Variants in PLPBP observed in about 807,000 individuals in gnomAD.
The protein encoded by PLPBP is pyridoxal phosphate binding protein.
In PLPBP, 21 loss-of-function variants were observed where a neutral mutation model predicts 31.2. That is an observed-to-expected ratio of 0.67 (90% CI 0.48 to 0.97). The LOEUF (loss-of-function observed/expected upper bound fraction) is 0.97, where lower values mean the gene tolerates loss of function less well. Ranked by LOEUF, PLPBP falls within the 50% of genes least tolerant of loss-of-function variation. The probability of loss-of-function intolerance (pLI) is 0.00; values close to 1 mark genes in which losing one functional copy is unlikely to be tolerated. For missense variants in PLPBP, 308 were observed against 354.4 expected, an observed-to-expected ratio of 0.87 and a Z score of 1.05; for synonymous variants, 124 against 135.6, an observed-to-expected ratio of 0.91 and a Z score of 0.59.
chr8:37,779,626 T>A lies in PLPBP; in HGVS notation c.*1522T>A, dbSNP rs945195740. The A allele has an allele frequency of 1.3e-5, 2 of 152,702 alleles. No homozygotes were observed. The highest frequency in any genetic ancestry group is 2.9e-5 in the Non-Finnish European group (2 of 68,052). The allele number at this position is 152,702 out of a possible 1,614,324, so 9.5% of individuals were successfully genotyped here. A position where few individuals can be genotyped will look rare whatever the true frequency, so the allele number is the denominator to read the frequency against. ...CATCATGATGCTGCCAAATGTACTT[T>A]TGTAAACTTAAACATTATGATTCCT... On this transcript the variant is annotated 3_prime_UTR_variant, in exon 8 of 8. Transcript: ENST00000328195.
At chr8:37,764,323 GTTT>G (rs1390742604) in intron 1 of PLPBP, among the ~76,000 whole-genome samples, 1 of 146,370 alleles carries the variant, frequency 6.8e-6, no homozygotes, top group Non-Finnish European at 1.5e-5. Flanking sequence ...CCAGACTGTT[GTTT>G]TTTGTTTTAT....
chr8:37,763,996 A>G (rs1280559441), intron 1 of PLPBP, among the ~76,000 whole-genome samples: 1 of 150,322 alleles, frequency 6.7e-6, no homozygotes, highest in Non-Finnish European at 1.5e-5. Flanking sequence ...TCGTGAGAGG[A>G]TGTCACATAG....
chr8:37,775,801 G>T, intron 6 of PLPBP, 117 bp from the exon 7 acceptor site: 1 of 1,098,022 alleles, frequency 9.1e-7, no homozygotes, highest in Non-Finnish European at 1.3e-6. Flanking sequence ...TGGCAATTTT[G>T]GCAGGCCTTG....
rs536914665 is a variant in PLPBP, at chr8:37,767,012, A to C, written c.319+657A>C. 5.7e-5 allele frequency among the ~76,000 whole-genome samples: 8 copies of C among 141,486 alleles called. No individual in the cohort carries two copies. The South Asian group carries it at 1.8e-3, about 32-fold the overall frequency. 92.8% of individuals were successfully genotyped at this position (141,486 alleles called of 152,430 possible). ...CAGTGATCCAAGATCACGCCACTGC[A>C]CTCCAGACTAGGTAACAGAGCAAGA... On this transcript the variant is annotated intron_variant, in intron 4 of 7. Coordinates refer to ENST00000328195, the MANE Select transcript of PLPBP (RefSeq NM_007198.4).
At chr8:37,771,430 A>G (rs980503902) in intron 4 of PLPBP, among the ~76,000 whole-genome samples, 1 of 151,630 alleles carries the variant, frequency 6.6e-6, no homozygotes, top group Non-Finnish European at 1.5e-5. Context: ...GTGAGCCACA[A>G]TGCCTAGCCA....
intron 4 of PLPBP, among the ~76,000 whole-genome samples, chr8:37,769,730 G>A (rs1803723412): frequency 6.6e-6 from 1 of 152,128 alleles, no homozygotes; most frequent in South Asian, 2.1e-4. Flanking sequence ...TAAAACCGTA[G>A]AGTCTTGGAA....
intron 1 of PLPBP, among the ~76,000 whole-genome samples, chr8:37,764,890 G>T (rs538144864): frequency 1.3e-5 from 2 of 152,256 alleles, no homozygotes; most frequent in South Asian, 2.1e-4. Flanking sequence ...GAAATTCTCC[G>T]CTGGGCACAG....
At chr8:37,765,881 T>A in intron 3 of PLPBP, 135 bp downstream of exon 3, 1 of 923,410 alleles carries the variant, frequency 1.1e-6, no homozygotes, top group Non-Finnish European at 1.7e-6. Flanking sequence ...GATAGAAATG[T>A]CAGCTTCCTC....
intron 1 of PLPBP, among the ~76,000 whole-genome samples, chr8:37,765,320 C>T (rs560486836): frequency 6.6e-6 from 1 of 152,338 alleles, no homozygotes; most frequent in East Asian, 1.9e-4. Flanking sequence ...AACATTGATG[C>T]ATAGATTGAG....
intron 4 of PLPBP, among the ~76,000 whole-genome samples, chr8:37,768,463 T>TTG (rs1327149569): frequency 8.0e-5 from 12 of 150,270 alleles, no homozygotes; most frequent in African/African-American, 2.7e-4. Flanking sequence ...AGTTTTGATT[T>TTG]TCTTTTTTTT....
chr8:37,772,723 A>G, intron 4 of PLPBP, 32 bp from the exon 5 acceptor site: 1 of 1,611,302 alleles, frequency 6.2e-7, no homozygotes, highest in South Asian at 1.1e-5. Context: ...AGAGCAAATA[A>G]GGAATACTAC....
chr8:37,772,048 C>G (rs1327785307), intron 4 of PLPBP, among the ~76,000 whole-genome samples: 1 of 152,216 alleles, frequency 6.6e-6, no homozygotes, highest in African/African-American at 2.4e-5. Context: ...AACTGCCCAT[C>G]TGAAATACTT....
chr8:37,777,575 T>G (rs1018364332), intron 7 of PLPBP, among the ~76,000 whole-genome samples: 2 of 151,514 alleles, frequency 1.3e-5, no homozygotes, highest in African/African-American at 4.9e-5. Context: ...TGTTTTTGTT[T>G]TTTTTTGTTT....
Position 37,777,339 on chromosome 8 carries a change from G to A in PLPBP, c.697-634G>A, listed in dbSNP as rs185272932. 5.5e-3 allele frequency among the ~76,000 whole-genome samples: 842 copies of A among 152,248 alleles called. 7 individuals carry two copies. The highest frequency in any genetic ancestry group is 0.037 in the South Asian group (177 of 4,818). The stretch of plus-strand genomic sequence containing the variant: ...ATATTTTTTTCATCTACCTGACCGT[G>A]GCACATTGGAGAGGTAGGTGGGCTG... On this transcript the variant is annotated intron_variant, in intron 7 of 7. Coordinates refer to ENST00000328195, the MANE Select transcript of PLPBP (RefSeq NM_007198.4).
Position 37,778,021 on chromosome 8 carries a change from G to A in PLPBP, c.745G>A (p.Glu249Lys). The change falls in exon 8 of 8, where the codon GAG becomes AAG. Residue 249 changes from glutamate to lysine, a missense_variant. Around this residue, in one of 2 missense-constraint regions of PLPBP, gnomAD observed 188 missense variants for 259.3 expected, o/e 0.73. Coordinates refer to ENST00000328195, the MANE Select transcript of PLPBP (RefSeq NM_007198.4). ...CCGAATAGGAAGCACGATTTTTGGAGAGCGGGATTACTCAAAGAAACCCAC... is the reference window on the plus strand; with the variant it reads ...CCGAATAGGAAGCACGATTTTTGGAAAGCGGGATTACTCAAAGAAACCCAC... ...NVRIGSTIFG[E>K]RDYSKKPTPD... 1 of 1,613,780 alleles carries A rather than the reference G, an allele frequency of 6.2e-7. No homozygotes were observed. The highest frequency in any genetic ancestry group is 8.5e-7 in the Non-Finnish European group (1 of 1,179,734).
chr8:37,766,409 A>G, intron 4 of PLPBP, 54 bp downstream of exon 4: 2 of 1,528,686 alleles, frequency 1.3e-6, no homozygotes, highest in South Asian at 1.2e-5. Flanking sequence ...TATTGCTTCT[A>G]CTACCCTTTG....
intron 4 of PLPBP, among the ~76,000 whole-genome samples, chr8:37,770,791 G>C (rs1803751343): frequency 6.6e-6 from 1 of 151,238 alleles, no homozygotes; most frequent in African/African-American, 2.4e-5. Context: ...TGGCCAGGCT[G>C]GTCTCCAATT....
At chr8:37,765,427 T>G in intron 1 of PLPBP, 99 bp from the exon 2 acceptor site, 188 of 1,116,750 alleles carry the variant, frequency 1.7e-4, no homozygotes, top group Non-Finnish European at 2.3e-4. Flanking sequence ...AATGCCAAGT[T>G]GAGATCAATG....
In PLPBP at chr8:37,778,206, G is replaced by A. The variant is rs2129821015; in HGVS notation, c.*102G>A. Reference sequence around the variant, plus strand: ...CCTGCTCTCCTGTGACCTGTGGAGAGCACTAATGATCACGTGTGTTGATGG... The same window carrying A: ...CCTGCTCTCCTGTGACCTGTGGAGAACACTAATGATCACGTGTGTTGATGG... On this transcript the variant is annotated 3_prime_UTR_variant, in exon 8 of 8. Transcript: ENST00000328195. 1 of 1,409,012 alleles carries A rather than the reference G, an allele frequency of 7.1e-7. No homozygotes were observed. The allele number at this position is 1,409,012 out of a possible 1,614,324, so 87.3% of individuals were successfully genotyped here. A position where few individuals can be genotyped will look rare whatever the true frequency, so the allele number is the denominator to read the frequency against.
Sources: gnomAD v4.1 joint callset for allele counts (sites outside exome capture counted in the v4.1 genomes callset) on GRCh38, gnomAD v4.1.1 for gene constraint, gnomAD v4.1.1 regional missense constraint, MANE v1.5 for transcripts, NCBI Gene and HGNC (gene_info 2026-07-23, HGNC 2026-07-21) for gene names.